IQGAP1: variants seen among roughly 807,000 people sequenced by gnomAD.
The protein encoded by IQGAP1 is ras GTPase-activating-like protein IQGAP1.
Under a neutral mutation model 215.6 loss-of-function variants are expected in IQGAP1, and 66 were observed. That is an observed-to-expected ratio of 0.31 (90% CI 0.25 to 0.38). IQGAP1 has a LOEUF of 0.38. IQGAP1 is among the 10% of genes least tolerant of loss of function. IQGAP1 has a pLI of 1.00. For synonymous variants in IQGAP1, 772 were observed against 728.7 expected (o/e 1.06, Z -0.96); for missense variants, 1,712 against 1,997.1 (o/e 0.86, Z 2.72).
chr15:90,432,227 T>G (rs1965313235), intron 4 of IQGAP1, among the ~76,000 whole-genome samples: 1 of 152,184 alleles, frequency 6.6e-6, no homozygotes, highest in Non-Finnish European at 1.5e-5. Flanking sequence ...CCTTCCTCTA[T>G]AATAAATGGT....
intron 11 of IQGAP1, among the ~76,000 whole-genome samples, chr15:90,451,862 A>T (rs1200015614): frequency 1.4e-5 from 2 of 140,138 alleles, no homozygotes; most frequent in Non-Finnish European, 3.1e-5. Flanking sequence ...ACGGAGTCTC[A>T]CTCTGTTGCC....
chr15:90,440,579 A>T lies in IQGAP1; in HGVS notation c.613A>T (p.Ile205Phe). 1 of 1,567,660 alleles carries T rather than the reference A, an allele frequency of 6.4e-7. No individual in the cohort carries two copies. Among genetic ancestry groups the T allele is most frequent in the Non-Finnish European group, 8.7e-7 (1 of 1,154,538 alleles). ...GCCTGCCTTTAGCAAGATTGGGGGCATCTTGGCTAATGAACTGTCAGTGGA... is the reference window on the plus strand; with the variant it reads ...GCCTGCCTTTAGCAAGATTGGGGGCTTCTTGGCTAATGAACTGTCAGTGGA... ...QMPAFSKIGGILANELSVDEA... is the reference protein window; with the variant it reads ...QMPAFSKIGGFLANELSVDEA... The change falls in exon 7 of 38, where the codon ATC (isoleucine) becomes TTC (phenylalanine). Residue 205 changes from isoleucine to phenylalanine, a missense_variant. Physicochemically the swap from Ile to Phe is conservative, Grantham distance 21. Around this residue, in one of 2 missense-constraint regions of IQGAP1, gnomAD observed 1,021 missense variants for 1,074.2 expected, o/e 0.95. Coordinates refer to ENST00000268182, the MANE Select transcript of IQGAP1 (RefSeq NM_003870.4).
At chr15:90,435,271 G>A (rs2151017204) in intron 5 of IQGAP1, among the ~76,000 whole-genome samples, 1 of 152,116 alleles carries the variant, frequency 6.6e-6, no homozygotes, top group East Asian at 1.9e-4. Context: ...GAAGCCAGGA[G>A]TTAGAGACCA....
At chr15:90,395,673 A>G (rs1231418884) in intron 2 of IQGAP1, among the ~76,000 whole-genome samples, 1 of 152,206 alleles carries the variant, frequency 6.6e-6, no homozygotes, top group East Asian at 1.9e-4. Flanking sequence ...CAGTTGAAGG[A>G]GGTAACATTT....
intron 2 of IQGAP1, among the ~76,000 whole-genome samples, chr15:90,415,772 C>T (rs945694756): frequency 6.6e-6 from 1 of 152,202 alleles, no homozygotes; most frequent in Admixed American, 6.5e-5. Flanking sequence ...TATTACCACT[C>T]ACCTGGATTA....
intron 6 of IQGAP1, 52 bp downstream of exon 6, chr15:90,439,451 T>G: frequency 1.3e-6 from 2 of 1,482,958 alleles, no homozygotes; most frequent in Non-Finnish European, 1.9e-6. Context: ...GGAAATAGCC[T>G]GGAGAGCCAG....
At chr15:90,389,489 C>T (rs1964604458) in intron 1 of IQGAP1, among the ~76,000 whole-genome samples, 1 of 151,898 alleles carries the variant, frequency 6.6e-6, no homozygotes, top group South Asian at 2.1e-4. Flanking sequence ...TCGGCCACCA[C>T]ACTGGCTAAT....
chr15:90,498,043 C>T (rs1309110251), intron 37 of IQGAP1, among the ~76,000 whole-genome samples: 1 of 151,552 alleles, frequency 6.6e-6, no homozygotes, highest in Non-Finnish European at 1.5e-5. Context: ...TGCTGCCCTC[C>T]CTCCCCTCCC....
chr15:90,463,471 C>T (rs929444195), intron 15 of IQGAP1, among the ~76,000 whole-genome samples: 2 of 152,300 alleles, frequency 1.3e-5, no homozygotes, highest in East Asian at 3.9e-4. Context: ...TCAGCCCTCT[C>T]GCTTATGACT....
intron 36 of IQGAP1, among the ~76,000 whole-genome samples, chr15:90,495,813 AT>A (rs2151040981): frequency 6.6e-6 from 1 of 150,400 alleles, no homozygotes; most frequent in African/African-American, 2.4e-5. Context: ...AAGTTTTTGT[AT>A]TTTTAGTAGA....
At chr15:90,497,422 A>G in intron 37 of IQGAP1, 82 bp downstream of exon 37, 1 of 729,712 alleles carries the variant, frequency 1.4e-6, no homozygotes, top group East Asian at 2.6e-5. Context: ...GAGGAGACTC[A>G]TCTGAGGAAA....
intron 21 of IQGAP1, 35 bp from the exon 22 acceptor site, chr15:90,474,029 A>T (rs201856102): frequency 1.3e-6 from 2 of 1,591,996 alleles, no homozygotes; most frequent in East Asian, 2.3e-5. Flanking sequence ...TGGTAGACAG[A>T]TGAACAGAGA....
chr15:90,495,640 TTTTTCTTCTTC>T (rs1242697039), intron 36 of IQGAP1, among the ~76,000 whole-genome samples: 54 of 146,726 alleles, frequency 3.7e-4, no homozygotes, highest in Admixed American at 1.4e-3. Context: ...CTTCTTCTTC[TTTTTCTTCTTC>T]TTTTTTTTTT....
rs772616152 is a variant in IQGAP1 at position 90,477,648 on chromosome 15, T to C, written c.3105-17T>C. 3.2e-6 allele frequency: 5 copies of C among 1,560,016 alleles called. No homozygotes were observed. The highest frequency in any genetic ancestry group is 4.4e-6 in the Non-Finnish European group (5 of 1,131,464). On this transcript the variant is annotated splice_polypyrimidine_tract_variant and intron_variant, in intron 25 of 37. Coordinates refer to ENST00000268182, the MANE Select transcript of IQGAP1 (RefSeq NM_003870.4). ...GGGTTTTGTGACAAGTTTAAATTTTTATCTGATGTTTTATAGGTCGAAGGT... is the reference window on the plus strand; with the variant it reads ...GGGTTTTGTGACAAGTTTAAATTTTCATCTGATGTTTTATAGGTCGAAGGT...
At chr15:90,456,719 A>C (rs947032070) in intron 15 of IQGAP1, among the ~76,000 whole-genome samples, 12 of 150,186 alleles carry the variant, frequency 8.0e-5, no homozygotes, top group Non-Finnish European at 1.6e-4. Flanking sequence ...CTACTAAAAA[A>C]AAAAAAAAAA....
Position 90,433,812 on chromosome 15 carries a change from G to T in IQGAP1, c.467+17G>T. 1.4e-6 allele frequency: 2 copies of T among 1,448,810 alleles called. No homozygotes were observed. Among genetic ancestry groups the T allele is most frequent in the South Asian group, 2.4e-5 (2 of 81,958 alleles). The allele number at this position is 1,448,810 out of a possible 1,614,324, so 89.7% of individuals were successfully genotyped here. A position where few individuals can be genotyped will look rare whatever the true frequency, so the allele number is the denominator to read the frequency against. On this transcript the variant is annotated intron_variant, in intron 5 of 37. Transcript: ENST00000268182. ...TGCACTCAGGTAGTCAAATTTTCTT[G>T]GCAAAATAAGGAAATTATGAATAAC...
chr15:90,466,459 T>C (rs1158445248), intron 17 of IQGAP1, 23 bp downstream of exon 17: 4 of 1,612,804 alleles, frequency 2.5e-6, no homozygotes, highest in Admixed American at 1.7e-5. Context: ...ATAATACATA[T>C]GTGCCCTGAA....
rs768659113 is a variant in IQGAP1 at position 90,484,332 on chromosome 15, G to A, written c.3901G>A (p.Glu1301Lys). 1 of 1,611,908 alleles carries A rather than the reference G, an allele frequency of 6.2e-7. No individual in the cohort carries two copies. The highest frequency in any genetic ancestry group is 8.5e-7 in the Non-Finnish European group (1 of 1,178,214). Residue 1301 changes from glutamate (E) to lysine (K), a missense_variant, in exon 30 of 38, where the codon GAA becomes AAA. This residue lies in a region of IQGAP1 where 691 missense variants were observed against 923.0 expected (regional missense o/e 0.75). Transcript: ENST00000268182. The part of the protein sequence containing the change: ...TKPVIYISIG[E>K]IINTHTLLLD... ...ACCAGTAATCTACATTTCCATTGGT[G>A]AAATCATCAACACCCACACTGTAAG...
At chr15:90,430,152 A>G (rs915652259) in intron 4 of IQGAP1, among the ~76,000 whole-genome samples, 7 of 152,110 alleles carry the variant, frequency 4.6e-5, no homozygotes, top group African/African-American at 1.7e-4. Context: ...GTTTTTGGTC[A>G]TGGCTGCAGT....
Sources: allele counts gnomAD v4.1 joint callset (sites outside exome capture counted in the v4.1 genomes callset), GRCh38; gene constraint gnomAD v4.1.1; regional missense constraint gnomAD v4.1.1; transcripts MANE v1.5; gene names NCBI Gene and HGNC (gene_info 2026-07-23, HGNC 2026-07-21).